Variants in SHROOM3 observed in about 807,000 individuals in gnomAD.
SHROOM3 encodes the protein protein Shroom3.
Under a neutral mutation model 138.6 loss-of-function variants are expected in SHROOM3, and 47 were observed. That is an observed-to-expected ratio of 0.34 (90% CI 0.27 to 0.43). SHROOM3 has a LOEUF of 0.43. Ranked by LOEUF, SHROOM3 falls within the 20% of genes least tolerant of loss-of-function variation. The probability of loss-of-function intolerance (pLI) is 1.00; values close to 1 mark genes in which losing one functional copy is unlikely to be tolerated. For missense variants in SHROOM3, 2,491 were observed against 2,596.5 expected (o/e 0.96, Z 0.88); for synonymous variants, 1,062 against 1,063.3 (o/e 1.00, Z 0.02).
intron 2 of SHROOM3, chr4:76,639,508 C>T (rs1370860603): frequency 1.3e-5 from 5 of 398,460 alleles, no homozygotes; most frequent in Non-Finnish European, 2.2e-5. Flanking sequence ...TCTTCCTCTT[C>T]CCTCTGGGCT....
rs958613311 is a variant in SHROOM3 at position 76,740,959 on chromosome 4, A to G, written c.2786A>G (p.Lys929Arg). Residue 929 changes from lysine to arginine, a missense_variant, in exon 5 of 11, where the codon AAG becomes AGG. This residue lies in a region of SHROOM3 where 1,733 missense variants were observed against 1,661.6 expected (regional missense o/e 1.04). Coordinates refer to ENST00000296043, the MANE Select transcript of SHROOM3 (RefSeq NM_020859.4). The surrounding 1 kb of genome is among the most constrained non-coding windows in gnomAD (Gnocchi z 4.0). The part of the protein sequence containing the change: ...PFSRAYRNSI[K>R]DAQSRVLGAT... The stretch of plus-strand genomic sequence containing the variant: ...AGCCGCGCCTACCGGAACAGCATCA[A>G]GGACGCACAGTCCCGTGTCTTGGGG... 2 of 1,499,002 alleles carry G rather than the reference A, an allele frequency of 1.3e-6. No homozygotes were observed. The highest frequency in any genetic ancestry group is 2.4e-5 in the Admixed American group (1 of 41,406). The allele number at this position is 1,499,002 out of a possible 1,614,324, so 92.9% of individuals were successfully genotyped here. A position where few individuals can be genotyped will look rare whatever the true frequency, so the allele number is the denominator to read the frequency against.
chr4:76,638,920 G>A (rs537693582), intron 2 of SHROOM3: 8 of 152,236 alleles, frequency 5.3e-5, no homozygotes, highest in South Asian at 4.2e-4. Flanking sequence ...TAAAACTTTT[G>A]CTAACCCTAA....
At chr4:76,751,075 C>T (rs1447315324) in intron 6 of SHROOM3, among the ~76,000 whole-genome samples, 1 of 152,170 alleles carries the variant, frequency 6.6e-6, no homozygotes, top group Non-Finnish European at 1.5e-5. Flanking sequence ...AGATCCTGTG[C>T]TATGAATTTT....
At chr4:76,483,023 G>A (rs1259239671) in intron 1 of SHROOM3, among the ~76,000 whole-genome samples, 2 of 152,154 alleles carry the variant, frequency 1.3e-5, no homozygotes, top group Non-Finnish European at 2.9e-5. Flanking sequence ...AGACTTAAAT[G>A]TAAAACCTGA....
chr4:76,586,260 T>A (rs1734150334), intron 2 of SHROOM3: 2 of 985,496 alleles, frequency 2.0e-6, no homozygotes, highest in Admixed American at 6.1e-5. Flanking sequence ...CGGAGGTGCG[T>A]CTGTGGTGTC....
At chr4:76,691,249 T>A (rs1186805064) in intron 2 of SHROOM3, among the ~76,000 whole-genome samples, 1 of 152,176 alleles carries the variant, frequency 6.6e-6, no homozygotes, top group Non-Finnish European at 1.5e-5. Context: ...CTGGAGATTT[T>A]AAGAATAGGA....
chr4:76,435,953 G>T lies in SHROOM3; in HGVS notation c.-100G>T. On this transcript the variant is annotated 5_prime_UTR_variant, in exon 1 of 11. Coordinates refer to ENST00000296043, the MANE Select transcript of SHROOM3 (RefSeq NM_020859.4). ...TCTCCAAACCTCTCTTTTGGCCATT[G>T]TGTGTCCTGAAGGATGGGACAACTT... The T allele has an allele frequency of 7.8e-7, 1 of 1,284,202 alleles. No homozygotes were observed. The highest frequency in any genetic ancestry group is 1.1e-6 in the Non-Finnish European group (1 of 916,324). 79.6% of individuals were successfully genotyped at this position (1,284,202 alleles called of 1,614,324 possible). A position where few individuals can be genotyped will look rare whatever the true frequency, so the allele number is the denominator to read the frequency against.
In SHROOM3 at chr4:76,628,201, G is replaced by A. The variant is rs1031679585; in HGVS notation, c.323+72438G>A. Among the ~76,000 whole-genome samples the A allele has an allele frequency of 1.2e-3, 183 of 152,228 alleles. 3 individuals are homozygous for A. The highest frequency in any genetic ancestry group is 1.3e-4 in the Non-Finnish European group (9 of 68,034). ...TAGAGTTAACATTGATGTTAGGAAAGTAGTCCAGGAAGGGATCTTAGATCT... is the reference window on the plus strand; with the variant it reads ...TAGAGTTAACATTGATGTTAGGAAAATAGTCCAGGAAGGGATCTTAGATCT... On this transcript the variant is annotated intron_variant, in intron 2 of 10. Transcript: ENST00000296043.
At chr4:76,486,777 A>T (rs983475637) in intron 1 of SHROOM3, among the ~76,000 whole-genome samples, 1 of 152,154 alleles carries the variant, frequency 6.6e-6, no homozygotes, top group African/African-American at 2.4e-5. Flanking sequence ...GGCAATCTGG[A>T]AATGTTTCCA....
intron 1 of SHROOM3, among the ~76,000 whole-genome samples, chr4:76,484,197 C>G (rs778831792): frequency 6.6e-6 from 1 of 151,736 alleles, no homozygotes; most frequent in South Asian, 2.1e-4. Flanking sequence ...CTGTCTATAA[C>G]CTTTAGTTAG....
intron 1 of SHROOM3, among the ~76,000 whole-genome samples, chr4:76,458,655 T>C (rs1731082163): frequency 6.6e-6 from 1 of 152,178 alleles, no homozygotes; most frequent in Non-Finnish European, 1.5e-5. Context: ...CATATACTTT[T>C]AAGAAAAGAA....
At chr4:76,455,605 G>A (rs1026837228) in intron 1 of SHROOM3, among the ~76,000 whole-genome samples, 1 of 151,966 alleles carries the variant, frequency 6.6e-6, no homozygotes, top group African/African-American at 2.4e-5. Context: ...CATTGGCAAA[G>A]GACATGAGCA....
rs902265051 is a variant in SHROOM3, at chr4:76,741,204, C to G, written c.3031C>G (p.Leu1011Val). The G allele has an allele frequency of 8.7e-6, 14 of 1,605,360 alleles. No individual in the cohort carries two copies. The highest frequency in any genetic ancestry group is 1.3e-5 in the African/African-American group (1 of 74,810). ...PAARRGARRRLTPEQKKRSYS... is the reference protein window; with the variant it reads ...PAARRGARRRVTPEQKKRSYS... The stretch of plus-strand genomic sequence containing the variant: ...CGCCCGGAGAGGTGCTCGCCGGCGC[C>G]TGACTCCCGAGCAGAAGAAGCGCTC... The change falls in exon 5 of 11, where the codon CTG (leucine) becomes GTG (valine). Residue 1011 changes from leucine (L) to valine (V), a missense_variant. By Grantham distance (32) the Leu-to-Val change is conservative (BLOSUM62 1). Transcript: ENST00000296043. This position sits in a 1 kb window ranked among gnomAD's most constrained non-coding sequence, Gnocchi z 6.2.
chr4:76,677,480 T>C (rs1719071182), intron 2 of SHROOM3, among the ~76,000 whole-genome samples: 1 of 152,156 alleles, frequency 6.6e-6, no homozygotes, highest in Non-Finnish European at 1.5e-5. Flanking sequence ...TTGTAAAAAT[T>C]AGAAAGAAAG....
At chr4:76,645,296 C>T (rs1402905555) in intron 2 of SHROOM3, 1 of 152,194 alleles carries the variant, frequency 6.6e-6, no homozygotes, top group Non-Finnish European at 1.5e-5. Context: ...TTTCTCTCTC[C>T]AGCCTCTCCC....
chr4:76,700,117 G>T (rs1237496890), intron 2 of SHROOM3, among the ~76,000 whole-genome samples: 1 of 152,166 alleles, frequency 6.6e-6, no homozygotes, highest in Non-Finnish European at 1.5e-5. Flanking sequence ...ATGGGGCCAA[G>T]GAAGAAAGGA....
At chr4:76,675,183 G>T (rs1718997184) in intron 2 of SHROOM3, among the ~76,000 whole-genome samples, 1 of 152,162 alleles carries the variant, frequency 6.6e-6, no homozygotes, top group South Asian at 2.1e-4. Context: ...TGGGGTGTGT[G>T]TAGGGAGTAG....
chr4:76,693,709 G>T (rs973162783), intron 2 of SHROOM3, among the ~76,000 whole-genome samples: 4 of 151,908 alleles, frequency 2.6e-5, no homozygotes, highest in Non-Finnish European at 4.4e-5. Flanking sequence ...TTTTAAGGTT[G>T]TGGGGATTTA....
chr4:76,537,919 T>G (rs1733014739), intron 1 of SHROOM3, among the ~76,000 whole-genome samples: 1 of 152,238 alleles, frequency 6.6e-6, no homozygotes, highest in African/African-American at 2.4e-5. Flanking sequence ...TATCTTATTT[T>G]ATTTTTGAGA....
Sources: allele counts gnomAD v4.1 joint callset (sites outside exome capture counted in the v4.1 genomes callset), GRCh38; gene constraint gnomAD v4.1.1; regional missense constraint gnomAD v4.1.1; non-coding constraint Gnocchi (gnomAD v3.1); transcripts MANE v1.5; gene names NCBI Gene and HGNC (gene_info 2026-07-23, HGNC 2026-07-21).